Variants in GRM5 observed in about 807,000 individuals in gnomAD.
GRM5 encodes metabotropic glutamate receptor 5.
A neutral mutation model predicts 83.1 loss-of-function variants in GRM5; 19 were observed. That is an observed-to-expected ratio of 0.23 (90% confidence interval 0.16 to 0.34). The LOEUF (loss-of-function observed/expected upper bound fraction) is 0.34, where lower values mean the gene tolerates loss of function less well. Ranked by LOEUF, GRM5 falls within the 10% of genes least tolerant of loss-of-function variation. The pLI, the probability that GRM5 is intolerant of heterozygous loss-of-function variation, is 1.00. For synonymous variants in GRM5, 675 were observed against 633.6 expected (o/e 1.07, Z -0.98); for missense variants, 1,160 against 1,588.3 (o/e 0.73, Z 4.58).
chr11:88,815,018 A>C (rs976931942), intron 3 of GRM5, among the ~76,000 whole-genome samples: 2 of 152,210 alleles, frequency 1.3e-5, no homozygotes, highest in African/African-American at 4.8e-5. Flanking sequence ...TAACTTGACA[A>C]AACAAGTCAA....
At chr11:88,928,246 A>G (rs944542523) in intron 2 of GRM5, among the ~76,000 whole-genome samples, 18 of 152,098 alleles carry the variant, frequency 1.2e-4, no homozygotes, top group Admixed American at 5.3e-4. Flanking sequence ...TAATTGTAAT[A>G]AGGTGCTTAC....
chr11:88,541,332 C>T (rs970604347), intron 8 of GRM5, among the ~76,000 whole-genome samples: 3 of 152,090 alleles, frequency 2.0e-5, no homozygotes, highest in Non-Finnish European at 2.9e-5. Flanking sequence ...TCATTGTGAT[C>T]TGTTATAGAT....
intron 2 of GRM5, among the ~76,000 whole-genome samples, chr11:88,964,048 CTCTT>C (rs753647804): frequency 6.6e-6 from 1 of 152,158 alleles, no homozygotes; most frequent in African/African-American, 2.4e-5. Context: ...CAGGGACACA[CTCTT>C]TATGTGCAAT....
intron 4 of GRM5, among the ~76,000 whole-genome samples, chr11:88,616,403 T>G (rs981583652): frequency 1.3e-5 from 2 of 150,088 alleles, no homozygotes; most frequent in African/African-American, 4.9e-5. Flanking sequence ...TTTTTTTTTT[T>G]TTTTTTTTTT....
chr11:88,716,760 T>C (rs1211900988), intron 3 of GRM5, among the ~76,000 whole-genome samples: 1 of 151,946 alleles, frequency 6.6e-6, no homozygotes, highest in Non-Finnish European at 1.5e-5. Flanking sequence ...ATTTAACCCA[T>C]GGTTATGTGA....
chr11:88,775,071 G>T (rs1942818757), intron 3 of GRM5, among the ~76,000 whole-genome samples: 1 of 152,090 alleles, frequency 6.6e-6, no homozygotes, highest in Non-Finnish European at 1.5e-5. Context: ...TTCTGGTCCT[G>T]GACTTTTTTT....
At chr11:88,741,176 C>T (rs372378201) in intron 3 of GRM5, among the ~76,000 whole-genome samples, 6 of 151,998 alleles carry the variant, frequency 3.9e-5, no homozygotes, top group Non-Finnish European at 7.4e-5. Context: ...CAAATATCAG[C>T]GTGGCTAGTC....
intron 2 of GRM5, among the ~76,000 whole-genome samples, chr11:89,015,705 G>A (rs1215789588): frequency 6.6e-6 from 1 of 152,142 alleles, no homozygotes; most frequent in Non-Finnish European, 1.5e-5. Flanking sequence ...TTTGGAGGAT[G>A]TACATTGAAC....
intron 3 of GRM5, among the ~76,000 whole-genome samples, chr11:88,817,666 G>T (rs1177922375): frequency 6.6e-6 from 1 of 152,022 alleles, no homozygotes; most frequent in Non-Finnish European, 1.5e-5. Flanking sequence ...CTCCTTGAGG[G>T]AAATATAATA....
At chr11:88,816,075 C>T (rs4002401) in intron 3 of GRM5, among the ~76,000 whole-genome samples, 2 of 146,340 alleles carry the variant, frequency 1.4e-5, no homozygotes, top group African/African-American at 2.7e-5. Context: ...TAGCCGGGCG[C>T]GATGGCGGGC....
chr11:89,014,911 G>A (rs867327149), intron 2 of GRM5, among the ~76,000 whole-genome samples: 4 of 152,128 alleles, frequency 2.6e-5, no homozygotes, highest in Non-Finnish European at 5.9e-5. Context: ...CTTCTTGTGG[G>A]CATAGTGCCC....
Position 89,047,863 on chromosome 11 carries a change from G to T in GRM5, c.10C>A (p.Leu4Met), listed in dbSNP as rs1447134591. 6.2e-7 allele frequency: 1 copy of T among 1,613,326 alleles called. No individual in the cohort carries two copies. Among genetic ancestry groups the T allele is most frequent in the Non-Finnish European group, 8.5e-7 (1 of 1,179,396 alleles). The change falls in exon 2 of 10, where the codon CTG becomes ATG. Residue 4 changes from leucine (L) to methionine (M), a missense_variant. Around this residue, in one of 9 missense-constraint regions of GRM5, gnomAD observed 71 missense variants for 145.8 expected, o/e 0.49. Coordinates refer to ENST00000305447, the MANE Select transcript of GRM5 (RefSeq NM_001143831.3). This position sits in a 1 kb window ranked among gnomAD's most constrained non-coding sequence, Gnocchi z 5.1. Reference sequence around the variant, plus strand: ...AAAAGTAAGACTGACAGGATCAACAGAAGGACCATTTTAGGAAAGGAGTTC... The same window carrying T: ...AAAAGTAAGACTGACAGGATCAACATAAGGACCATTTTAGGAAAGGAGTTC... MVL[L>M]LILSVLLLKE... is the part of the protein sequence containing the mutation.
intron 2 of GRM5, among the ~76,000 whole-genome samples, chr11:88,922,491 T>C (rs1266187116): frequency 6.6e-6 from 1 of 152,214 alleles, no homozygotes; most frequent in African/African-American, 2.4e-5. Flanking sequence ...GGACAGTCTC[T>C]ACAATTAATG....
chr11:88,665,585 T>G (rs1285244064), intron 3 of GRM5, among the ~76,000 whole-genome samples: 2 of 152,190 alleles, frequency 1.3e-5, no homozygotes, highest in African/African-American at 4.8e-5. Context: ...GATTAAGTTT[T>G]AGAAATAATC....
At chr11:88,876,322 C>G (rs1944853072) in intron 2 of GRM5, among the ~76,000 whole-genome samples, 1 of 152,100 alleles carries the variant, frequency 6.6e-6, no homozygotes, top group African/African-American at 2.4e-5. Flanking sequence ...CATTCTCAGC[C>G]TTGAGCCAGT....
intron 3 of GRM5, among the ~76,000 whole-genome samples, chr11:88,715,644 A>G (rs192922934): frequency 6.6e-6 from 1 of 152,134 alleles, no homozygotes; most frequent in African/African-American, 2.4e-5. Context: ...AATCACACAA[A>G]TAAGTAATGC....
chr11:88,517,669 A>C (rs1941559857), intron 9 of GRM5, among the ~76,000 whole-genome samples: 1 of 152,186 alleles, frequency 6.6e-6, no homozygotes, highest in African/African-American at 2.4e-5. Context: ...AAAAGTAGAA[A>C]GTATTCCTTA....
At chr11:89,021,794 C>A (rs1272399329) in intron 2 of GRM5, among the ~76,000 whole-genome samples, 1 of 152,166 alleles carries the variant, frequency 6.6e-6, no homozygotes, top group Non-Finnish European at 1.5e-5. Context: ...GGGGTTATAA[C>A]GTCTTCCTCA....
chr11:88,815,017 A>G (rs1203284606), intron 3 of GRM5, among the ~76,000 whole-genome samples: 2 of 152,220 alleles, frequency 1.3e-5, no homozygotes, highest in African/African-American at 2.4e-5. Context: ...ATAACTTGAC[A>G]AAACAAGTCA....
Sources: gnomAD v4.1 joint callset for allele counts (sites outside exome capture counted in the v4.1 genomes callset) on GRCh38, gnomAD v4.1.1 for gene constraint, gnomAD v4.1.1 regional missense constraint, Gnocchi (gnomAD v3.1) non-coding constraint, MANE v1.5 for transcripts, NCBI Gene and HGNC (gene_info 2026-07-23, HGNC 2026-07-21) for gene names.